The following MGAT4D variants were observed in gnomAD, a reference collection of about 807,000 sequenced individuals.
The protein encoded by MGAT4D is alpha-1,3-mannosyl-glycoprotein 4-beta-N-acetylglucosaminyltransferase-like protein MGAT4D.
Under a neutral mutation model 15.9 loss-of-function variants are expected in MGAT4D, and 34 were observed. The observed-to-expected ratio is 2.14, with a 90% CI of 1.62 to 2.84. MGAT4D has a LOEUF of 2.84. MGAT4D is among the 30% of genes most tolerant of loss of function. MGAT4D has a pLI of 0.00. For missense variants in MGAT4D, 327 were observed against 140.2 expected, an observed-to-expected ratio of 2.33 and a Z score of -6.73; for synonymous variants, 112 against 48.2, an observed-to-expected ratio of 2.33 and a Z score of -5.49.
chr4:140,461,460 T>C (rs7682966), intron 7 of MGAT4D, among the ~76,000 whole-genome samples: 29,385 of 152,054 alleles, frequency 0.19, 2,914 homozygotes, highest in South Asian at 0.27. Context: ...ATAAGTTATT[T>C]ACTTTTACAA....
At chr4:140,487,031 AAAAG>A (rs1446507801) in intron 1 of MGAT4D, among the ~76,000 whole-genome samples, 1 of 152,234 alleles carries the variant, frequency 6.6e-6, no homozygotes, top group African/African-American at 2.4e-5. Flanking sequence ...GGTAAACATG[AAAAG>A]AAAGAGTTTT....
intron 1 of MGAT4D, among the ~76,000 whole-genome samples, chr4:140,495,125 C>T (rs1311593839): frequency 6.6e-6 from 1 of 152,302 alleles, no homozygotes; most frequent in South Asian, 2.1e-4. Context: ...TTCACATTGG[C>T]CTCCTGGCTG....
chr4:140,457,181 G>T (rs1434796230), intron 8 of MGAT4D: 2 of 151,758 alleles, frequency 1.3e-5, no homozygotes, highest in Non-Finnish European at 2.9e-5. Flanking sequence ...TTAACAGGAT[G>T]TTATTTTTCT....
intron 1 of MGAT4D, among the ~76,000 whole-genome samples, chr4:140,493,279 T>C (rs1465856237): frequency 6.6e-6 from 1 of 150,844 alleles, no homozygotes; most frequent in Non-Finnish European, 1.5e-5. Context: ...CTGTTTATTG[T>C]TCCTTTACTT....
chr4:140,446,798 A>T (rs2126662906), intron 10 of MGAT4D, among the ~76,000 whole-genome samples: 1 of 48,544 alleles, frequency 2.1e-5, no homozygotes. Context: ...GTGATGTTAG[A>T]TTGTTAACTT....
At position 140,498,275 on chromosome 4, in the gene MGAT4D, G is replaced by A. The variant is rs2110767899; in HGVS notation, c.-53C>T. 2.9e-6 allele frequency: 2 copies of A among 699,786 alleles called. No individual in the cohort carries two copies. Among genetic ancestry groups the A allele is most frequent in the Non-Finnish European group, 2.6e-6 (1 of 383,052 alleles). The allele number at this position is 699,786 out of a possible 1,614,324, so 43.3% of individuals were successfully genotyped here. A position where few individuals can be genotyped will look rare whatever the true frequency, so the allele number is the denominator to read the frequency against. ...CGGGTGGAGGCGGCGGATAATGCCA[G>A]GGACGGGGTTGAGCGCGCAGAGCCC... On this transcript the variant is annotated 5_prime_UTR_variant, in exon 1 of 11. Transcript: ENST00000511113.
At chr4:140,485,203 A>G (rs1331328559) in intron 1 of MGAT4D, among the ~76,000 whole-genome samples, 1 of 152,238 alleles carries the variant, frequency 6.6e-6, no homozygotes, top group African/African-American at 2.4e-5. Context: ...CATATACACC[A>G]TGGAATACTA....
intron 1 of MGAT4D, among the ~76,000 whole-genome samples, chr4:140,488,434 T>C (rs1733285159): frequency 1.3e-5 from 2 of 152,220 alleles, no homozygotes; most frequent in Non-Finnish European, 2.9e-5. Context: ...GTGGGAATGG[T>C]GCATATATTT....
In MGAT4D at chr4:140,496,104, C is replaced by T. The variant is rs569866579; in HGVS notation, c.94+2025G>A. 2.0e-4 allele frequency among the ~76,000 whole-genome samples: 31 copies of T among 152,234 alleles called. 1 individual carries two copies. The highest frequency in any genetic ancestry group is 1.8e-3 in the Admixed American group (27 of 15,296). ...AGGTGGTGGCCATCTTTCTAATAAA[C>T]GTTCCCAAATTTTCACTGATAGGAA... On this transcript the variant is annotated intron_variant, in intron 1 of 10. Transcript: ENST00000511113.
At chr4:140,467,040 A>C (rs985463088) in intron 5 of MGAT4D, among the ~76,000 whole-genome samples, 1 of 152,138 alleles carries the variant, frequency 6.6e-6, no homozygotes, top group Admixed American at 6.5e-5. Context: ...GGGGGGAAAG[A>C]ACTGTTCAAA....
At chr4:140,475,816 T>C (rs1578689350) in intron 3 of MGAT4D, among the ~76,000 whole-genome samples, 1 of 141,950 alleles carries the variant, frequency 7.0e-6, no homozygotes, top group African/African-American at 2.6e-5. Flanking sequence ...TCTTTTTTTT[T>C]TTTTTTTTTT....
At chr4:140,459,948 G>T (rs1731061966) in intron 7 of MGAT4D, among the ~76,000 whole-genome samples, 2 of 151,938 alleles carry the variant, frequency 1.3e-5, no homozygotes, top group South Asian at 2.1e-4. Flanking sequence ...GCCCAGGCTG[G>T]TTTCGAATTC....
chr4:140,451,955 C>A, intron 9 of MGAT4D, among the ~76,000 whole-genome samples: 1 of 146,380 alleles, frequency 6.8e-6, no homozygotes, highest in African/African-American at 2.5e-5. Context: ...AACAAAGAAC[C>A]AATTTATAGT....
chr4:140,463,117 G>A (rs1159557954), intron 6 of MGAT4D, among the ~76,000 whole-genome samples: 4 of 152,128 alleles, frequency 2.6e-5, no homozygotes, highest in Admixed American at 6.5e-5. Flanking sequence ...AGCTGAAATG[G>A]ATTTAGGAAG....
chr4:140,490,535 C>A (rs1227937445), intron 1 of MGAT4D, among the ~76,000 whole-genome samples: 1 of 152,204 alleles, frequency 6.6e-6, no homozygotes. Flanking sequence ...TCCAATTAGA[C>A]CCTGCCAAGC....
chr4:140,493,387 C>T, intron 1 of MGAT4D, among the ~76,000 whole-genome samples: 1 of 151,078 alleles, frequency 6.6e-6, no homozygotes, highest in East Asian at 1.9e-4. Context: ...GCTCTGCCTC[C>T]CGGGTTCACA....
At chr4:140,462,276 C>A (rs976484621) in intron 6 of MGAT4D, among the ~76,000 whole-genome samples, 5 of 152,076 alleles carry the variant, frequency 3.3e-5, no homozygotes, top group African/African-American at 1.2e-4. Context: ...AAGTTTTGAT[C>A]TAGATAATAG....
intron 5 of MGAT4D, among the ~76,000 whole-genome samples, chr4:140,469,146 T>C (rs961590452): frequency 6.6e-6 from 1 of 152,208 alleles, no homozygotes; most frequent in Non-Finnish European, 1.5e-5. Flanking sequence ...CTGATAATAG[T>C]CTACATTCAT....
intron 9 of MGAT4D, among the ~76,000 whole-genome samples, chr4:140,455,982 C>A (rs1182535110): frequency 6.6e-6 from 1 of 152,036 alleles, no homozygotes; most frequent in Non-Finnish European, 1.5e-5. Context: ...GCATAAAATA[C>A]AAAAATTAGC....
Sources: gnomAD v4.1 joint callset for allele counts (sites outside exome capture counted in the v4.1 genomes callset) on GRCh38, gnomAD v4.1.1 for gene constraint, MANE v1.5 for transcripts, NCBI Gene and HGNC (gene_info 2026-07-23, HGNC 2026-07-21) for gene names.